Variants in ANKFY1 observed in about 807,000 individuals in gnomAD.
ANKFY1 encodes the protein ankyrin repeat and FYVE domain containing 1, also known as ankyrin repeat and FYVE domain-containing protein 1.
ANKFY1 carries 47 observed loss-of-function variants against 128.3 expected under a neutral mutation model. That is an observed-to-expected ratio of 0.37 (90% CI 0.29 to 0.47). The LOEUF (loss-of-function observed/expected upper bound fraction) is 0.47. Ranked by LOEUF, ANKFY1 falls within the 20% of genes least tolerant of loss-of-function variation. The probability of loss-of-function intolerance (pLI) is 1.00; values close to 1 mark genes in which losing one functional copy is unlikely to be tolerated. For missense variants in ANKFY1, 1,222 were observed against 1,510.6 expected, an observed-to-expected ratio of 0.81 and a Z score of 3.17; for synonymous variants, 553 against 601.6, an observed-to-expected ratio of 0.92 and a Z score of 1.18.
Position 4,166,441 on chromosome 17 carries a change from C to A in ANKFY1, c.*1338G>T, listed in dbSNP as rs3760471. The A allele has an allele frequency of 0.16, 24,141 of 152,572 alleles. 1,990 individuals carry two copies. The highest frequency in any genetic ancestry group is 0.18 in the East Asian group (928 of 5,184). 9.5% of individuals were successfully genotyped at this position (152,572 alleles called of 1,614,324 possible). On this transcript the variant is annotated 3_prime_UTR_variant, in exon 25 of 25. Coordinates refer to ENST00000341657, the MANE Select transcript of ANKFY1 (RefSeq NM_001330063.2). The stretch of plus-strand genomic sequence containing the variant: ...TCTCAGAGTTGTTTTGTTTTAAAGC[C>A]GTGGTAGATGCTTCTCTTTAAATGT...
chr17:4,208,008 C>A lies in ANKFY1; in HGVS notation c.657G>T (p.Glu219Asp). 6.2e-7 allele frequency: 1 copy of A among 1,611,580 alleles called. No homozygotes were observed. Among genetic ancestry groups the A allele is most frequent in the Non-Finnish European group, 8.5e-7 (1 of 1,178,982 alleles). Residue 219 changes from glutamate to aspartate, a missense_variant, in exon 6 of 25, where the codon GAG becomes GAT. Physicochemically the swap from Glu to Asp is conservative, Grantham distance 45 (BLOSUM62 2). Transcript: ENST00000341657. ...CTTTGATGGCTTTATGTAGCGGGTA[C>A]TCTGTCTTGGATTTGATCATTTTGT... The part of the protein sequence containing the change: ...LLYKMIKSKT[E>D]YPLHKAIKVE...
intron 12 of ANKFY1, among the ~76,000 whole-genome samples, chr17:4,184,323 TA>T (rs1247722457): frequency 6.6e-6 from 1 of 152,108 alleles, no homozygotes; most frequent in East Asian, 1.9e-4. Context: ...AGGACAAGGC[TA>T]AAAAAACACT....
intron 24 of ANKFY1, chr17:4,168,134 CTTT>C (rs10684185): frequency 1.8e-3 from 394 of 222,944 alleles, no homozygotes; most frequent in East Asian, 3.4e-3. Context: ...CTGAAGAAGG[CTTT>C]TTTTTTTTTT....
chr17:4,185,086 G>C (rs1416107080), intron 11 of ANKFY1, 40 bp from the exon 12 acceptor site: 12 of 1,572,480 alleles, frequency 7.6e-6, no homozygotes, highest in African/African-American at 1.3e-5. Flanking sequence ...GCACTCACAG[G>C]AATTCCCTTC....
chr17:4,211,601 C>T (rs1414825893), intron 4 of ANKFY1, among the ~76,000 whole-genome samples: 1 of 152,066 alleles, frequency 6.6e-6, no homozygotes, highest in African/African-American at 2.4e-5. Context: ...GGTGCAAAGG[C>T]TCACACCTGT....
At chr17:4,193,148 G>T (rs2059747665) in intron 10 of ANKFY1, among the ~76,000 whole-genome samples, 1 of 152,176 alleles carries the variant, frequency 6.6e-6, no homozygotes. Context: ...TTGATTTAAT[G>T]CACATAGAGA....
rs757698590 is a variant in ANKFY1 at position 4,173,348 on chromosome 17, G to A, written c.3014+6C>T. On this transcript the variant is annotated splice_donor_region_variant and intron_variant, in intron 21 of 24. Coordinates refer to ENST00000341657, the MANE Select transcript of ANKFY1 (RefSeq NM_001330063.2). ...CGCGGGGCCTACTCGGGCCCAACGC[G>A]CTCACCTGAGATTAAAGGCTTCGGC... 1.3e-5 allele frequency: 21 copies of A among 1,613,568 alleles called. No individual in the cohort carries two copies. Among genetic ancestry groups the A allele is most frequent in the East Asian group, 2.2e-5 (1 of 44,888 alleles).
chr17:4,181,469 T>C lies in ANKFY1; in HGVS notation c.2122-97A>G. On this transcript the variant is annotated intron_variant, in intron 15 of 24. Coordinates refer to ENST00000341657, the MANE Select transcript of ANKFY1 (RefSeq NM_001330063.2). This position sits in a 1 kb window ranked among gnomAD's most constrained non-coding sequence, Gnocchi z 4.9. ...TCTATGTATAGCATTAAATCCACTTTCAGATAAGATACGGTTGATAATAAA... is the reference window on the plus strand; with the variant it reads ...TCTATGTATAGCATTAAATCCACTTCCAGATAAGATACGGTTGATAATAAA... The C allele has an allele frequency of 1.3e-6, 1 of 781,010 alleles. No homozygotes were observed. Among genetic ancestry groups the C allele is most frequent in the Admixed American group, 2.0e-5 (1 of 49,398 alleles). The allele number at this position is 781,010 out of a possible 1,614,324, so 48.4% of individuals were successfully genotyped here.
At chr17:4,224,292 G>A (rs2060383931) in intron 3 of ANKFY1, among the ~76,000 whole-genome samples, 1 of 140,066 alleles carries the variant, frequency 7.1e-6, no homozygotes, top group Non-Finnish European at 1.5e-5. Flanking sequence ...GCGCGATCTC[G>A]GCTCACTGCA....
chr17:4,203,742 G>A (rs2059972983), intron 7 of ANKFY1, among the ~76,000 whole-genome samples: 1 of 150,704 alleles, frequency 6.6e-6, no homozygotes, highest in African/African-American at 2.4e-5. Flanking sequence ...TTGAACCTGG[G>A]AGGCAGAGGT....
intron 3 of ANKFY1, among the ~76,000 whole-genome samples, chr17:4,219,313 G>A (rs1186913868): frequency 2.6e-5 from 4 of 152,294 alleles, no homozygotes; most frequent in Admixed American, 6.5e-5. Flanking sequence ...GTCAACGCAA[G>A]TAATTCTCAC....
Position 4,178,946 on chromosome 17 carries a change from C to T in ANKFY1, c.2509G>A (p.Gly837Arg). ...ATGGCACAGGCAAACGGGGTCAGCCCTTGTCTGTCTCGTACATTCAAATGG... is the reference window on the plus strand; with the variant it reads ...ATGGCACAGGCAAACGGGGTCAGCCTTTGTCTGTCTCGTACATTCAAATGG... ...DIHLNVRDRQGLTPFACAMTF... is the reference protein window; with the variant it reads ...DIHLNVRDRQRLTPFACAMTF... The change falls in exon 18 of 25, where the codon GGG becomes AGG. Residue 837 changes from glycine to arginine, a missense_variant. Coordinates refer to ENST00000341657, the MANE Select transcript of ANKFY1 (RefSeq NM_001330063.2). The surrounding 1 kb of genome is among the most constrained non-coding windows in gnomAD (Gnocchi z 4.1). 6.2e-7 allele frequency: 1 copy of T among 1,614,180 alleles called. No individual in the cohort carries two copies. Among genetic ancestry groups the T allele is most frequent in the Non-Finnish European group, 8.5e-7 (1 of 1,180,030 alleles).
intron 22 of ANKFY1, 127 bp downstream of exon 22, chr17:4,172,429 C>T (rs1355698765): frequency 2.2e-5 from 29 of 1,335,982 alleles, no homozygotes; most frequent in East Asian, 1.9e-4. Context: ...AACTCACACC[C>T]GGAGGGCCCA....
At position 4,242,301 on chromosome 17, in the gene ANKFY1, C is replaced by T. The variant is rs375477885; in HGVS notation, c.158G>A (p.Arg53His). 2.8e-5 allele frequency: 45 copies of T among 1,592,306 alleles called. No homozygotes were observed. Among genetic ancestry groups the T allele is most frequent in the Admixed American group, 9.0e-5 (5 of 55,476 alleles). The stretch of plus-strand genomic sequence containing the variant: ...GAGGTCTGCCACGATGGCCAGCAGA[C>T]GGCTGATGAAGGACTCGCTGCTGCT... Reference protein sequence around the residue: ...KESSSESFISRLLAIVADLYE... With the variant: ...KESSSESFISHLLAIVADLYE... Residue 53 changes from arginine (R) to histidine (H), a missense_variant, in exon 2 of 25, where the codon CGT (arginine) becomes CAT (histidine). By Grantham distance (29) the Arg-to-His change is conservative. Coordinates refer to ENST00000341657, the MANE Select transcript of ANKFY1 (RefSeq NM_001330063.2).
chr17:4,169,241 C>G lies in ANKFY1; in HGVS notation c.3334G>C (p.Glu1112Gln). Reference sequence around the variant, plus strand: ...GTGACTCCGAACCTGGCAGTGCACTCATAGCAGTAGGAGCCGTCACACCAC... The same window carrying G: ...GTGACTCCGAACCTGGCAGTGCACTGATAGCAGTAGGAGCCGTCACACCAC... ...PPWCDGSYCY[E>Q]CTARFGVTTR... Residue 1112 changes from glutamate to glutamine, a missense_variant, in exon 24 of 25, where the codon GAG becomes CAG. Transcript: ENST00000341657. The surrounding 1 kb of genome is among the most constrained non-coding windows in gnomAD (Gnocchi z 5.0). The G allele has an allele frequency of 1.3e-6, 2 of 1,552,812 alleles. No individual in the cohort carries two copies. Among genetic ancestry groups the G allele is most frequent in the Non-Finnish European group, 1.7e-6 (2 of 1,147,822 alleles).
In ANKFY1 at chr17:4,236,063, A is replaced by G. The variant is rs76705378; in HGVS notation, c.204-173T>C. Among the ~76,000 whole-genome samples the G allele has an allele frequency of 0.018, 2,796 of 152,340 alleles. 86 individuals are homozygous for G. The highest frequency in any genetic ancestry group is 0.064 in the African/African-American group (2,654 of 41,566). ...CACTGAATTCTGGTGAGTCATCTTT[A>G]TAGTATGTTGCTAGAAATGTTTTCT... On this transcript the variant is annotated intron_variant, in intron 2 of 24. Coordinates refer to ENST00000341657, the MANE Select transcript of ANKFY1 (RefSeq NM_001330063.2).
At chr17:4,201,184 C>A (rs920959243) in intron 7 of ANKFY1, among the ~76,000 whole-genome samples, 61 of 152,154 alleles carry the variant, frequency 4.0e-4, no homozygotes, top group Non-Finnish European at 1.8e-4. Flanking sequence ...GCGCATGCCA[C>A]CCTGCCTGGC....
chr17:4,235,250 C>T (rs574113467), intron 3 of ANKFY1, among the ~76,000 whole-genome samples: 2 of 146,808 alleles, frequency 1.4e-5, no homozygotes, highest in African/African-American at 5.0e-5. Context: ...GGCTGAGGCA[C>T]GAGAATCACT....
At chr17:4,226,644 G>A (rs1443935664) in intron 3 of ANKFY1, among the ~76,000 whole-genome samples, 3 of 151,766 alleles carry the variant, frequency 2.0e-5, no homozygotes, top group Non-Finnish European at 4.4e-5. Context: ...TCAGGAGGCT[G>A]AGGCTGCAGA....
Sources: allele counts gnomAD v4.1 joint callset (sites outside exome capture counted in the v4.1 genomes callset), GRCh38; gene constraint gnomAD v4.1.1; non-coding constraint Gnocchi (gnomAD v3.1); transcripts MANE v1.5; gene names NCBI Gene and HGNC (gene_info 2026-07-23, HGNC 2026-07-21).